The following PRMT8 variants were observed in gnomAD, a reference collection of about 807,000 sequenced individuals.
PRMT8 encodes the protein protein arginine methyltransferase 8.
PRMT8 carries 7 observed loss-of-function variants against 47.1 expected under a neutral mutation model. The ratio of observed to expected loss-of-function variants is 0.15; its 90% CI spans 0.08 to 0.28. The LOEUF is 0.28. Among genes scored for constraint, PRMT8 ranks in the 10% least tolerant of loss-of-function variants. PRMT8 has a pLI of 1.00. For synonymous variants in PRMT8, 188 were observed against 186.5 expected, an observed-to-expected ratio of 1.01 and a Z score of -0.07; for missense variants, 237 against 505.4, an observed-to-expected ratio of 0.47 and a Z score of 5.09.
intron 7 of PRMT8, among the ~76,000 whole-genome samples, chr12:3,581,525 C>T (rs1867065865): frequency 6.6e-6 from 1 of 152,144 alleles, no homozygotes; most frequent in Non-Finnish European, 1.5e-5. Flanking sequence ...AGAGGAGGTT[C>T]TTGCCTTGGA....
chr12:3,545,063 T>C (rs944025521), intron 2 of PRMT8, among the ~76,000 whole-genome samples: 4 of 152,240 alleles, frequency 2.6e-5, no homozygotes, highest in Non-Finnish European at 5.9e-5. Context: ...GAAAGGGTTG[T>C]AGTTATCACT....
At chr12:3,532,611 C>CAA (rs35698030) in intron 1 of PRMT8, among the ~76,000 whole-genome samples, 296 of 24,638 alleles carry the variant, frequency 0.012, 30 homozygotes, top group Middle Eastern at 0.042. Context: ...GACTCCGTCT[C>CAA]AAAAAAAAAA....
intron 1 of PRMT8, among the ~76,000 whole-genome samples, chr12:3,422,048 G>A (rs980295219): frequency 5.3e-5 from 8 of 152,186 alleles, no homozygotes; most frequent in African/African-American, 1.9e-4. Context: ...GGGCCATAGG[G>A]AAAAGGCTCT....
intron 1 of PRMT8, among the ~76,000 whole-genome samples, chr12:3,401,489 T>C (rs891219453): frequency 3.3e-5 from 5 of 151,964 alleles, no homozygotes; most frequent in Non-Finnish European, 7.4e-5. Context: ...GAGAAAGAAA[T>C]AAAGAGTATT....
At chr12:3,549,851 G>C in intron 2 of PRMT8, 85 bp from the exon 3 acceptor site, 2 of 1,506,570 alleles carry the variant, frequency 1.3e-6, no homozygotes, top group South Asian at 1.2e-5. Context: ...AGGGTCACCT[G>C]GGGTGGTCCA....
At chr12:3,480,319 G>GGCTTT (rs1865260412) in intron 1 of PRMT8, among the ~76,000 whole-genome samples, 1 of 152,210 alleles carries the variant, frequency 6.6e-6, no homozygotes, top group African/African-American at 2.4e-5. Flanking sequence ...CCAGAGCACA[G>GGCTTT]GCTTTCCCAG....
rs932346223 is a variant in PRMT8 at position 3,492,559 on chromosome 12, A to C, written c.75+859A>C. ...CCCGCCTTCGGCAGCCTTTTTCTCT[A>C]CTCTCCAGCTGGCCCTGAGCCGCAG... On this transcript the variant is annotated intron_variant, in intron 1 of 9. Transcript: ENST00000382622. The surrounding 1 kb of genome is among the most constrained non-coding windows in gnomAD (Gnocchi z 7.5). Among the ~76,000 whole-genome samples the C allele has an allele frequency of 6.6e-6, 1 of 151,248 alleles. No homozygotes were observed. Among genetic ancestry groups the C allele is most frequent in the Non-Finnish European group, 1.5e-5 (1 of 67,806 alleles).
intron 1 of PRMT8, among the ~76,000 whole-genome samples, chr12:3,480,657 C>A (rs1865265476): frequency 6.6e-6 from 1 of 151,814 alleles, no homozygotes; most frequent in African/African-American, 2.4e-5. Flanking sequence ...TTCCTCCCCC[C>A]ACCGCTTTCT....
rs911161652 is a variant in PRMT8, at chr12:3,569,984, C to G, written c.712+420C>G. 6.6e-6 allele frequency among the ~76,000 whole-genome samples: 1 copy of G among 152,146 alleles called. No homozygotes were observed. Among genetic ancestry groups the G allele is most frequent in the Admixed American group, 6.5e-5 (1 of 15,280 alleles). On this transcript the variant is annotated intron_variant, in intron 6 of 9. Coordinates refer to ENST00000382622, the MANE Select transcript of PRMT8 (RefSeq NM_019854.5). This position sits in a 1 kb window ranked among gnomAD's most constrained non-coding sequence, Gnocchi z 8.2. ...AATTGTTTTGAATCCTGCCTCCATT[C>G]CATTCAAACTTATCAAAATAATATT...
intron 1 of PRMT8, among the ~76,000 whole-genome samples, chr12:3,413,192 A>C (rs1012188079): frequency 3.9e-5 from 6 of 152,298 alleles, no homozygotes; most frequent in East Asian, 3.9e-4. Context: ...GGGTTTTACC[A>C]TATTGGTCAG....
At chr12:3,555,256 A>C (rs1474566555) in intron 4 of PRMT8, among the ~76,000 whole-genome samples, 1 of 152,252 alleles carries the variant, frequency 6.6e-6, no homozygotes, top group Non-Finnish European at 1.5e-5. Context: ...CAGATCACAA[A>C]GTCAGCTGAC....
intron 7 of PRMT8, among the ~76,000 whole-genome samples, chr12:3,582,609 G>T (rs1867087866): frequency 2.0e-5 from 3 of 152,236 alleles, no homozygotes; most frequent in East Asian, 1.9e-4. Context: ...CAGCAGGTCT[G>T]CCCCCCTCAG....
chr12:3,530,705 G>A (rs1191028415), intron 1 of PRMT8, among the ~76,000 whole-genome samples: 1 of 152,146 alleles, frequency 6.6e-6, no homozygotes, highest in African/African-American at 2.4e-5. Flanking sequence ...AGCAGAACAG[G>A]GCTCTACGGG....
intron 1 of PRMT8, among the ~76,000 whole-genome samples, chr12:3,410,572 G>A (rs949649281): frequency 2.0e-5 from 3 of 152,136 alleles, no homozygotes; most frequent in Non-Finnish European, 2.9e-5. Context: ...GCAGTGGCAC[G>A]ATCTCGGCTC....
At chr12:3,555,731 G>A (rs867483943) in intron 4 of PRMT8, among the ~76,000 whole-genome samples, 1 of 152,230 alleles carries the variant, frequency 6.6e-6, no homozygotes, top group Non-Finnish European at 1.5e-5. Flanking sequence ...GGCAGCAGTG[G>A]AGCTGGAGAG....
intron 1 of PRMT8, among the ~76,000 whole-genome samples, chr12:3,397,964 G>A (rs1053483449): frequency 3.1e-4 from 47 of 152,176 alleles, no homozygotes; most frequent in Non-Finnish European, 5.1e-4. Flanking sequence ...GGTGGGAGTG[G>A]CCTGATTTTC....
At chr12:3,510,405 A>T (rs1476805646) in intron 1 of PRMT8, among the ~76,000 whole-genome samples, 1 of 152,218 alleles carries the variant, frequency 6.6e-6, no homozygotes, top group Non-Finnish European at 1.5e-5. Flanking sequence ...AATAGATGGA[A>T]GATATTGAAT....
Position 3,569,477 on chromosome 12 carries a change from A to G in PRMT8, c.625A>G (p.Lys209Glu). The G allele has an allele frequency of 6.2e-7, 1 of 1,614,042 alleles. No homozygotes were observed. The highest frequency in any genetic ancestry group is 8.5e-7 in the Non-Finnish European group (1 of 1,179,880). ...TVIFARDKWL[K>E]PGGLMFPDRA... ...CCATTTCCCCACAATTCATCAACAG[A>G]AACCTGGAGGGCTTATGTTTCCAGA... Residue 209 changes from lysine (K) to glutamate (E), a missense_variant and splice_region_variant, in exon 6 of 10, where the codon AAA becomes GAA. Around this residue, in one of 5 missense-constraint regions of PRMT8, gnomAD observed 151 missense variants for 341.1 expected, o/e 0.44. Transcript: ENST00000382622. The surrounding 1 kb of genome is among the most constrained non-coding windows in gnomAD (Gnocchi z 8.2).
Position 3,491,547 on chromosome 12 carries a change from C to G in PRMT8, c.-79C>G. ...TGGATTTTTTTTTTTCTCCCATCCT[C>G]TCGCTCTCTCTTTTAAAGCGACACC... On this transcript the variant is annotated 5_prime_UTR_variant, in exon 1 of 10. Coordinates refer to ENST00000382622, the MANE Select transcript of PRMT8 (RefSeq NM_019854.5). 3.3e-6 allele frequency: 5 copies of G among 1,504,840 alleles called. No homozygotes were observed. Among genetic ancestry groups the G allele is most frequent in the Non-Finnish European group, 4.4e-6 (5 of 1,128,688 alleles). The allele number at this position is 1,504,840 out of a possible 1,614,324, so 93.2% of individuals were successfully genotyped here.
Sources: gnomAD v4.1 joint callset for allele counts (sites outside exome capture counted in the v4.1 genomes callset) on GRCh38, gnomAD v4.1.1 for gene constraint, gnomAD v4.1.1 regional missense constraint, Gnocchi (gnomAD v3.1) non-coding constraint, MANE v1.5 for transcripts, NCBI Gene and HGNC (gene_info 2026-07-23, HGNC 2026-07-21) for gene names.